HSPB7: variants seen among roughly 807,000 people sequenced by gnomAD.
HSPB7 encodes heat shock protein beta-7.
A neutral mutation model predicts 11.0 loss-of-function variants in HSPB7; 9 were observed. The observed-to-expected ratio is 0.82, with a 90% CI of 0.49 to 1.43. The LOEUF is 1.43. HSPB7 is among the 40% of genes most tolerant of loss of function. The pLI, the probability that HSPB7 is intolerant of heterozygous loss-of-function variation, is 0.00. For missense variants in HSPB7, 246 were observed against 243.9 expected (o/e 1.01, Z -0.06); for synonymous variants, 102 against 101.6 (o/e 1.00, Z -0.02).
chr1:16,018,139 C>T (rs572296650), upstream of HSPB7: 240 of 1,543,598 alleles, frequency 1.6e-4, 2 homozygotes, highest in South Asian at 2.8e-3. Context: ...TCTCCATGGC[C>T]CAGAGGGGGC....
upstream of HSPB7, chr1:16,018,373 G>A (rs1341072230): frequency 6.7e-6 from 8 of 1,193,856 alleles, no homozygotes; most frequent in Non-Finnish European, 7.4e-6. Context: ...CGTCAGCCTG[G>A]GGGCTCCTGA....
chr1:16,015,812 T>C lies in HSPB7; in HGVS notation c.334-53A>G, dbSNP rs1187790422. 6.7e-7 allele frequency: 1 copy of C among 1,493,784 alleles called. No individual in the cohort carries two copies. Among genetic ancestry groups the C allele is most frequent in the East Asian group, 2.3e-5 (1 of 43,798 alleles). 92.5% of individuals were successfully genotyped at this position (1,493,784 alleles called of 1,614,324 possible). On this transcript the variant is annotated intron_variant, in intron 2 of 2. Coordinates refer to ENST00000311890, the MANE Select transcript of HSPB7 (RefSeq NM_014424.5). The surrounding 1 kb of genome is among the most constrained non-coding windows in gnomAD (Gnocchi z 4.9). Reference sequence around the variant, plus strand: ...GCTGCCCCGACCCCTGTCCTGCTTGTGACAAGCCAGAGCCCTCTTCTCCCC... The same window carrying C: ...GCTGCCCCGACCCCTGTCCTGCTTGCGACAAGCCAGAGCCCTCTTCTCCCC...
chr1:16,016,385 C>T (rs1218658285), intron 2 of HSPB7, among the ~76,000 whole-genome samples: 3 of 152,212 alleles, frequency 2.0e-5, no homozygotes, highest in Admixed American at 2.0e-4. Context: ...GCAGCCGTGG[C>T]TGTCCCTGGG....
At chr1:16,017,050 G>A (rs897697327) in intron 2 of HSPB7, 24 bp downstream of exon 2, 1 of 1,595,544 alleles carries the variant, frequency 6.3e-7, no homozygotes, top group African/African-American at 1.3e-5. Flanking sequence ...TTGGGATGCG[G>A]TGAGTAGGGG....
chr1:16,016,654 C>T (rs1478362451), intron 2 of HSPB7, among the ~76,000 whole-genome samples: 1 of 151,740 alleles, frequency 6.6e-6, no homozygotes, highest in East Asian at 1.9e-4. Flanking sequence ...ATGGAGAAAC[C>T]CCTCCCCCCA....
upstream of HSPB7, chr1:16,019,008 T>G: frequency 1.0e-6 from 1 of 1,000,404 alleles, no homozygotes; most frequent in South Asian, 1.7e-5. Context: ...AACCTAGATG[T>G]GTTGGACCCA....
chr1:16,015,576 G>A lies in HSPB7; in HGVS notation c.*4C>T. On this transcript the variant is annotated 3_prime_UTR_variant, in exon 3 of 3. Transcript: ENST00000311890. The surrounding 1 kb of genome is among the most constrained non-coding windows in gnomAD (Gnocchi z 4.9). Reference sequence around the variant, plus strand: ...GGGGACAGGGAAAGGGAAGGGAGAGGCACTCAGATTTTGATCTCCGTCCGG... The same window carrying A: ...GGGGACAGGGAAAGGGAAGGGAGAGACACTCAGATTTTGATCTCCGTCCGG... The A allele has an allele frequency of 6.2e-7, 1 of 1,613,690 alleles. No individual in the cohort carries two copies. The highest frequency in any genetic ancestry group is 2.2e-5 in the East Asian group (1 of 44,880).
chr1:16,016,973 A>G, intron 2 of HSPB7, 101 bp downstream of exon 2: 2 of 1,164,440 alleles, frequency 1.7e-6, no homozygotes, highest in Non-Finnish European at 2.5e-6. Context: ...GGGAAGGGAC[A>G]CTGGCCAGGG....
In HSPB7 at chr1:16,017,968, G is replaced by T; in HGVS notation, c.-5C>A. 6.2e-7 allele frequency: 1 copy of T among 1,612,962 alleles called. No homozygotes were observed. The highest frequency in any genetic ancestry group is 8.5e-7 in the Non-Finnish European group (1 of 1,179,746). Reference sequence around the variant, plus strand: ...GGAAGAGGTTCTGTGGCTCATCCACGGACGGCGCCGGGCCCTGCCCAGGCG... The same window carrying T: ...GGAAGAGGTTCTGTGGCTCATCCACTGACGGCGCCGGGCCCTGCCCAGGCG... On this transcript the variant is annotated 5_prime_UTR_variant, in exon 1 of 3. Transcript: ENST00000311890.
At chr1:16,019,377 A>T, upstream of HSPB7, 1 of 1,480,452 alleles carries the variant, frequency 6.8e-7, no homozygotes, top group Non-Finnish European at 9.2e-7. Flanking sequence ...AGTGTGACAT[A>T]GTCTTCCTGT....
chr1:16,019,374 CAT>C, upstream of HSPB7: 1 of 1,475,554 alleles, frequency 6.8e-7, no homozygotes, highest in South Asian at 1.2e-5. Context: ...GGCAGTGTGA[CAT>C]AGTCTTCCTG....
upstream of HSPB7, chr1:16,019,015 C>T (rs1275614211): frequency 4.8e-6 from 5 of 1,048,108 alleles, no homozygotes; most frequent in Admixed American, 1.4e-4. Flanking sequence ...ATGTGTTGGA[C>T]CCAAAGCCCT....
In HSPB7 at chr1:16,017,888, TGGAAGAGGAGGA is replaced by T. The variant is rs1309774028; in HGVS notation, c.64_75del (p.Ser22_Ser25del). ...AGAGCACGGGAGGCCGAGGAGGAGG[TGGAAGAGGAGGA>T]GGAAGAGGAAGAGGAATGGAAACTT... is the stretch of plus-strand genomic sequence containing the variant. On this transcript the variant is annotated inframe_deletion, in exon 1 of 3. Transcript: ENST00000311890. 1 of 1,612,734 alleles carries T rather than the reference TGGAAGAGGAGGA, an allele frequency of 6.2e-7. No homozygotes were observed. Among genetic ancestry groups the T allele is most frequent in the South Asian group, 1.1e-5 (1 of 91,020 alleles).
chr1:16,018,323 A>G (rs2021923613), upstream of HSPB7: 9 of 1,265,532 alleles, frequency 7.1e-6, no homozygotes, highest in South Asian at 1.1e-4. Context: ...CTGCCCCAGA[A>G]CCTTGCAAGT....
At chr1:16,018,321 G>T (rs1422078411), upstream of HSPB7, 21 of 1,274,036 alleles carry the variant, frequency 1.6e-5, no homozygotes, top group Middle Eastern at 6.5e-4. Flanking sequence ...GCCTGCCCCA[G>T]AACCTTGCAA....
chr1:16,016,541 C>T (rs766725708), intron 2 of HSPB7, among the ~76,000 whole-genome samples: 2 of 152,152 alleles, frequency 1.3e-5, no homozygotes, highest in Non-Finnish European at 2.9e-5. Context: ...GTGTGTGACC[C>T]GAAACTGCAG....
chr1:16,015,800 CT>C lies in HSPB7; in HGVS notation c.334-42del. On this transcript the variant is annotated intron_variant, in intron 2 of 2. Coordinates refer to ENST00000311890, the MANE Select transcript of HSPB7 (RefSeq NM_014424.5). The surrounding 1 kb of genome is among the most constrained non-coding windows in gnomAD (Gnocchi z 4.9). ...CCCGTCAGGCAGGCTGCCCCGACCC[CT>C]GTCCTGCTTGTGACAAGCCAGAGCC... The C allele has an allele frequency of 6.6e-7, 1 of 1,522,150 alleles. No homozygotes were observed. The highest frequency in any genetic ancestry group is 1.2e-5 in the South Asian group (1 of 80,684). The allele number at this position is 1,522,150 out of a possible 1,614,324, so 94.3% of individuals were successfully genotyped here.
chr1:16,015,824 G>A lies in HSPB7; in HGVS notation c.334-65C>T. 5.6e-6 allele frequency: 8 copies of A among 1,434,504 alleles called. No individual in the cohort carries two copies. Among genetic ancestry groups the A allele is most frequent in the East Asian group, 2.3e-5 (1 of 43,336 alleles). 88.9% of individuals were successfully genotyped at this position (1,434,504 alleles called of 1,614,324 possible). On this transcript the variant is annotated intron_variant, in intron 2 of 2. Coordinates refer to ENST00000311890, the MANE Select transcript of HSPB7 (RefSeq NM_014424.5). The surrounding 1 kb of genome is among the most constrained non-coding windows in gnomAD (Gnocchi z 4.9). ...CCTGTCCTGCTTGTGACAAGCCAGA[G>A]CCCTCTTCTCCCCATTCTAACCCCA...
At chr1:16,019,074 C>T (rs1043095263), upstream of HSPB7, 44 of 1,402,916 alleles carry the variant, frequency 3.1e-5, no homozygotes, top group East Asian at 7.5e-4. Context: ...CAGGCTGGCC[C>T]GGAAGAGCCA....
Sources: gnomAD v4.1 joint callset for allele counts (sites outside exome capture counted in the v4.1 genomes callset) on GRCh38, gnomAD v4.1.1 for gene constraint, Gnocchi (gnomAD v3.1) non-coding constraint, MANE v1.5 for transcripts, NCBI Gene and HGNC (gene_info 2026-07-23, HGNC 2026-07-21) for gene names.